CRADD: variants seen among roughly 807,000 people sequenced by gnomAD.
The protein encoded by CRADD is CARD and death domain containing adaptor protein.
CRADD carries 9 observed loss-of-function variants against 15.5 expected under a neutral mutation model. The ratio of observed to expected loss-of-function variants is 0.58; its 90% CI spans 0.35 to 1.01. The LOEUF is 1.01. Ranked by LOEUF, CRADD falls within the 50% of genes least tolerant of loss-of-function variation. The probability of loss-of-function intolerance (pLI) is 0.02; values close to 1 mark genes in which losing one functional copy is unlikely to be tolerated. For synonymous variants in CRADD, 118 were observed against 107.6 expected (o/e 1.10, Z -0.60); for missense variants, 227 against 250.3 (o/e 0.91, Z 0.63).
chr12:93,678,721 C>G, intron 1 of CRADD, 48 bp from the exon 2 acceptor site: 1 of 1,569,662 alleles, frequency 6.4e-7, no homozygotes, highest in East Asian at 2.2e-5. Flanking sequence ...GTCTTTAGGG[C>G]CACATCAACA....
At chr12:93,691,072 T>C (rs1955555077) in intron 2 of CRADD, among the ~76,000 whole-genome samples, 1 of 152,158 alleles carries the variant, frequency 6.6e-6, no homozygotes, top group African/African-American at 2.4e-5. Context: ...ACATATCTCT[T>C]CCCTTTCAAT....
chr12:93,876,683 A>G (rs1958459761), intron 2 of CRADD, among the ~76,000 whole-genome samples: 1 of 151,926 alleles, frequency 6.6e-6, no homozygotes, highest in Non-Finnish European at 1.5e-5. Flanking sequence ...AATTATTTCA[A>G]TCTCATTGTT....
In CRADD at chr12:93,867,661, A is replaced by T. The variant is rs541101227; in HGVS notation, c.299-26389A>T. Among the ~76,000 whole-genome samples the T allele has an allele frequency of 2.6e-5, 4 of 152,240 alleles. No individual in the cohort carries two copies. The East Asian group carries it at 5.8e-4, about 22-fold the overall frequency. ...CTGTCTATTTTAGAGATTGCAGTAAATTTCAAAAGTAAATGAGGGAATGTG... is the reference window on the plus strand; with the variant it reads ...CTGTCTATTTTAGAGATTGCAGTAATTTTCAAAAGTAAATGAGGGAATGTG... On this transcript the variant is annotated intron_variant, in intron 2 of 2. Transcript: ENST00000548483.
intron 2 of CRADD, among the ~76,000 whole-genome samples, chr12:93,744,956 C>T (rs913779741): frequency 1.3e-5 from 2 of 152,278 alleles, no homozygotes; most frequent in East Asian, 1.9e-4. Context: ...TTTTCCTCTG[C>T]ACTCTGATTT....
At chr12:93,855,559 T>C (rs1958266165), downstream of CRADD, among the ~76,000 whole-genome samples, 1 of 152,186 alleles carries the variant, frequency 6.6e-6, no homozygotes. Flanking sequence ...AGAGGAGAAA[T>C]GATCCATTTG....
intron 2 of CRADD, among the ~76,000 whole-genome samples, chr12:93,808,573 T>G (rs1957575929): frequency 6.6e-6 from 1 of 152,146 alleles, no homozygotes; most frequent in Non-Finnish European, 1.5e-5. Flanking sequence ...ATTGCAGCAC[T>G]GTGCCCACCC....
intron 2 of CRADD, among the ~76,000 whole-genome samples, chr12:93,698,305 A>G (rs1468991037): frequency 6.6e-6 from 1 of 152,162 alleles, no homozygotes; most frequent in East Asian, 1.9e-4. Context: ...GAAATCTGGA[A>G]TTTCTTATGT....
chr12:93,743,291 T>G (rs2136930922), intron 2 of CRADD, among the ~76,000 whole-genome samples: 1 of 152,324 alleles, frequency 6.6e-6, no homozygotes, highest in South Asian at 2.1e-4. Context: ...CGAAGCAGTC[T>G]ATACCATTGC....
intron 2 of CRADD, among the ~76,000 whole-genome samples, chr12:93,833,066 G>A (rs1444379403): frequency 6.6e-6 from 1 of 152,152 alleles, no homozygotes. Flanking sequence ...TGACTTTCTT[G>A]GGCTGCAGGC....
At chr12:93,767,430 G>T (rs1408581269) in intron 2 of CRADD, among the ~76,000 whole-genome samples, 5 of 152,146 alleles carry the variant, frequency 3.3e-5, no homozygotes, top group Admixed American at 3.3e-4. Flanking sequence ...GTTATATCAT[G>T]TATACATTTA....
chr12:93,844,143 A>G (rs144876190), intron 2 of CRADD, among the ~76,000 whole-genome samples: 1 of 152,160 alleles, frequency 6.6e-6, no homozygotes, highest in Non-Finnish European at 1.5e-5. Context: ...TTTTCTAATC[A>G]TATTAAAATA....
intron 2 of CRADD, among the ~76,000 whole-genome samples, chr12:93,822,645 T>C (rs1266250429): frequency 6.6e-6 from 1 of 152,248 alleles, no homozygotes; most frequent in Non-Finnish European, 1.5e-5. Flanking sequence ...CAGTGTTACA[T>C]GCAGTCACCT....
intron 2 of CRADD, among the ~76,000 whole-genome samples, chr12:93,888,605 T>G (rs1958554917): frequency 6.6e-6 from 1 of 151,940 alleles, no homozygotes; most frequent in South Asian, 2.1e-4. Flanking sequence ...CAGAAAGATC[T>G]GTTTGGGGAT....
At chr12:93,887,377 G>T (rs538012876) in intron 2 of CRADD, among the ~76,000 whole-genome samples, 7 of 152,208 alleles carry the variant, frequency 4.6e-5, no homozygotes, top group African/African-American at 1.4e-4. Flanking sequence ...GGCCGCTAAC[G>T]AGTGGAGGGT....
At chr12:93,742,914 T>A (rs995925397) in intron 2 of CRADD, among the ~76,000 whole-genome samples, 27 of 152,146 alleles carry the variant, frequency 1.8e-4, no homozygotes, top group Admixed American at 7.2e-4. Context: ...TGCCCTCCCA[T>A]TCTCATCTTC....
chr12:93,836,453 T>G (rs1957973781), intron 2 of CRADD, among the ~76,000 whole-genome samples: 1 of 152,208 alleles, frequency 6.6e-6, no homozygotes, highest in Non-Finnish European at 1.5e-5. Context: ...GGCTTGCCTG[T>G]CTTTCTCTTT....
chr12:93,816,440 T>TAGA (rs1957698823), intron 2 of CRADD, among the ~76,000 whole-genome samples: 1 of 149,186 alleles, frequency 6.7e-6, no homozygotes, highest in Non-Finnish European at 1.5e-5. Flanking sequence ...TTCGTCAGGC[T>TAGA]GGTCTCAAAC....
chr12:93,712,057 C>T (rs1034267522), intron 2 of CRADD, among the ~76,000 whole-genome samples: 3 of 152,126 alleles, frequency 2.0e-5, no homozygotes, highest in Non-Finnish European at 4.4e-5. Context: ...CACCTGGTCT[C>T]CTAGACTCTT....
At chr12:93,856,008 A>G (rs1453255795) in intron 2 of CRADD, among the ~76,000 whole-genome samples, 1 of 152,118 alleles carries the variant, frequency 6.6e-6, no homozygotes, top group East Asian at 1.9e-4. Flanking sequence ...GGGTTTCGCC[A>G]TACTGGCCAG....
Sources: gnomAD v4.1 joint callset for allele counts (sites outside exome capture counted in the v4.1 genomes callset) on GRCh38, gnomAD v4.1.1 for gene constraint, MANE v1.5 for transcripts, NCBI Gene and HGNC (gene_info 2026-07-23, HGNC 2026-07-21) for gene names.